The following TNRC18 variants were observed in gnomAD, a reference collection of about 807,000 sequenced individuals.
The protein encoded by TNRC18 is trinucleotide repeat-containing gene 18 protein.
Under a neutral mutation model 226.7 loss-of-function variants are expected in TNRC18, and 69 were observed. The ratio of observed to expected loss-of-function variants is 0.30; its 90% CI spans 0.25 to 0.37. The LOEUF is 0.37. Among genes scored for constraint, TNRC18 ranks in the 10% least tolerant of loss-of-function variants. The pLI, the probability that TNRC18 is intolerant of heterozygous loss-of-function variation, is 1.00. For synonymous variants in TNRC18, 2,449 were observed against 1,927.6 expected (o/e 1.27, Z -7.09); for missense variants, 4,754 against 4,256.6 (o/e 1.12, Z -3.25).
intron 8 of TNRC18, among the ~76,000 whole-genome samples, chr7:5,376,597 G>A (rs914760741): frequency 1.3e-5 from 2 of 152,146 alleles, no homozygotes; most frequent in African/African-American, 4.8e-5. Context: ...CAGGTAAGGG[G>A]AATCCCAGCC....
intron 19 of TNRC18, among the ~76,000 whole-genome samples, chr7:5,328,072 A>C (rs951791560): frequency 1.3e-5 from 2 of 151,734 alleles, no homozygotes; most frequent in African/African-American, 4.8e-5. Context: ...AAATACAAAA[A>C]TTAGGCGTGA....
At chr7:5,345,528 C>CCCCCCCCCCCCCCCCCCCCCCCCCCAA in intron 18 of TNRC18, 34 bp downstream of exon 18, 1 of 534,162 alleles carries the variant, frequency 1.9e-6, no homozygotes, top group Non-Finnish European at 2.7e-6. Flanking sequence ...CCCCTCCCAC[C>CCCCCCCCCCCCCCCCCCCCCCCCCCAA]CACCCCCACC....
intron 2 of TNRC18, among the ~76,000 whole-genome samples, chr7:5,417,476 AAAAC>A (rs1051592732): frequency 1.2e-4 from 19 of 152,198 alleles, no homozygotes; most frequent in East Asian, 3.8e-4. Context: ...TCTCAAAAAC[AAAAC>A]AAACAAACAA....
At chr7:5,399,692 C>A (rs531394536) in intron 2 of TNRC18, among the ~76,000 whole-genome samples, 2 of 151,552 alleles carry the variant, frequency 1.3e-5, no homozygotes, top group South Asian at 4.2e-4. Context: ...GGCAACAGTG[C>A]GACACTGTGT....
chr7:5,351,526 G>A (rs947677321), intron 17 of TNRC18, among the ~76,000 whole-genome samples: 1 of 152,114 alleles, frequency 6.6e-6, no homozygotes, highest in East Asian at 1.9e-4. Flanking sequence ...CAGGGAGGAG[G>A]GCAAGTGGAG....
intron 2 of TNRC18, among the ~76,000 whole-genome samples, chr7:5,410,924 G>A (rs1781799616): frequency 6.8e-6 from 1 of 147,860 alleles, no homozygotes; most frequent in Admixed American, 6.8e-5. Context: ...GAAAGGAGAA[G>A]GCTGGGCGTG....
At chr7:5,387,614 G>T in intron 5 of TNRC18, 58 bp downstream of exon 5, 4 of 1,590,676 alleles carry the variant, frequency 2.5e-6, no homozygotes, top group East Asian at 2.2e-5. Flanking sequence ...TGTAATGTAC[G>T]GGAAACGGCA....
chr7:5,325,053 C>T (rs1340172214), intron 20 of TNRC18, 43 bp downstream of exon 20: 6 of 1,545,696 alleles, frequency 3.9e-6, no homozygotes, highest in Non-Finnish European at 4.4e-6. Context: ...AGGAGCATGG[C>T]TGAGCCCCCC....
rs573708674 is a variant in TNRC18 at position 5,338,251 on chromosome 7, T to C, written c.5720-5202A>G. On this transcript the variant is annotated intron_variant, in intron 18 of 29. Coordinates refer to ENST00000430969, the MANE Select transcript of TNRC18 (RefSeq NM_001080495.3). ...AATGGAATTCTTAAACATATTCAAA[T>C]AAATTTGTTTAAAAGGCAAGGAGAA... Among the ~76,000 whole-genome samples the C allele has an allele frequency of 3.9e-5, 6 of 152,188 alleles. No homozygotes were observed. In the East Asian group the frequency reaches 9.6e-4, roughly 24 times the overall value.
At chr7:5,369,273 G>C (rs1282102284) in intron 11 of TNRC18, among the ~76,000 whole-genome samples, 2 of 152,074 alleles carry the variant, frequency 1.3e-5, no homozygotes, top group Admixed American at 1.3e-4. Context: ...ACTTGAACCC[G>C]GGAGGGCGGA....
At chr7:5,368,434 G>C (rs953668537) in intron 11 of TNRC18, among the ~76,000 whole-genome samples, 2 of 151,858 alleles carry the variant, frequency 1.3e-5, no homozygotes, top group African/African-American at 2.4e-5. Context: ...TGGCCAAGGC[G>C]GGTGGATCAC....
intron 11 of TNRC18, among the ~76,000 whole-genome samples, 197 bp downstream of exon 11, chr7:5,370,178 C>G (rs1028207323): frequency 1.3e-5 from 2 of 151,952 alleles, no homozygotes; most frequent in African/African-American, 4.8e-5. Context: ...AAAAAGTTAG[C>G]TGGGCATGGT....
Position 5,333,047 on chromosome 7 carries a change from T to C in TNRC18, c.5722A>G (p.Thr1908Ala). The C allele has an allele frequency of 1.3e-6, 2 of 1,572,788 alleles. No individual in the cohort carries two copies. Among genetic ancestry groups the C allele is most frequent in the South Asian group, 1.1e-5 (1 of 87,070 alleles). Reference sequence around the variant, plus strand: ...TCTGAGTCGGTGTACTCGAACTCTGTGCCTGAACGCGGGAGGAGGGCGTGC... The same window carrying C: ...TCTGAGTCGGTGTACTCGAACTCTGCGCCTGAACGCGGGAGGAGGGCGTGC... ...KKEERQSLLG[T>A]EFEYTDSESE... Residue 1908 changes from threonine (T) to alanine (A), a missense_variant and splice_region_variant, in exon 19 of 30, where the codon ACA becomes GCA. Coordinates refer to ENST00000430969, the MANE Select transcript of TNRC18 (RefSeq NM_001080495.3).
At chr7:5,417,055 T>C (rs561368543) in intron 2 of TNRC18, among the ~76,000 whole-genome samples, 91 of 149,048 alleles carry the variant, frequency 6.1e-4, no homozygotes, top group African/African-American at 2.2e-3. Context: ...CCCAGCACTT[T>C]GGGAGGCCAA....
intron 18 of TNRC18, among the ~76,000 whole-genome samples, chr7:5,340,612 G>A (rs925661137): frequency 6.6e-6 from 1 of 151,808 alleles, no homozygotes; most frequent in Admixed American, 6.6e-5. Context: ...GCGTAGTGGC[G>A]GGTGCCTGTA....
At chr7:5,393,351 C>T (rs1780434842) in intron 3 of TNRC18, among the ~76,000 whole-genome samples, 1 of 152,252 alleles carries the variant, frequency 6.6e-6, no homozygotes, top group African/African-American at 2.4e-5. Flanking sequence ...GAAGAGCAGA[C>T]TCGCTGACCT....
rs909556932 is a variant in TNRC18 at position 5,312,888 on chromosome 7, G to C, written c.8003C>G (p.Ser2668Cys). 1 of 1,518,442 alleles carries C rather than the reference G, an allele frequency of 6.6e-7. No individual in the cohort carries two copies. Among genetic ancestry groups the C allele is most frequent in the African/African-American group, 1.4e-5 (1 of 72,940 alleles). 94.1% of individuals were successfully genotyped at this position (1,518,442 alleles called of 1,614,324 possible). Residue 2668 changes from serine (S) to cysteine (C), a missense_variant, in exon 27 of 30, where the codon TCT (serine) becomes TGT (cysteine). Transcript: ENST00000430969. The surrounding 1 kb of genome is among the most constrained non-coding windows in gnomAD (Gnocchi z 6.3). ...GTCCTCGTCTGTGGTGGAGGAAGAA[G>C]AGGAGGAAGAGGAGGAGGAGGAGGA... ...SSSSSSSSSSSSSSTTDEDSS... is the reference protein window; with the variant it reads ...SSSSSSSSSSCSSSTTDEDSS...
Position 5,371,038 on chromosome 7 carries a change from C to T in TNRC18, c.3556G>A (p.Ala1186Thr). ...ESPLPLPAAEAMATPSPAGGC... is the reference protein window; with the variant it reads ...ESPLPLPAAETMATPSPAGGC... ...CCTGCAGGGCTGGGGGTAGCCATGG[C>T]TTCCGCGGCGGGCAGTGGCAGCGGC... is the stretch of plus-strand genomic sequence containing the variant. The change falls in exon 11 of 30, where the codon GCC (alanine) becomes ACC (threonine). Residue 1186 changes from alanine to threonine, a missense_variant. Ala to Thr is a moderately conservative substitution (Grantham distance 58). Transcript: ENST00000430969. The T allele has an allele frequency of 6.2e-7, 1 of 1,610,200 alleles. No individual in the cohort carries two copies. The highest frequency in any genetic ancestry group is 2.2e-5 in the East Asian group (1 of 44,878).
rs772774335 is a variant in TNRC18 at position 5,374,492 on chromosome 7, G to A, written c.2800-8C>T. The A allele has an allele frequency of 7.3e-5, 112 of 1,542,258 alleles. No homozygotes were observed. Among genetic ancestry groups the A allele is most frequent in the Non-Finnish European group, 9.0e-5 (103 of 1,143,704 alleles). On this transcript the variant is annotated splice_polypyrimidine_tract_variant and splice_region_variant and intron_variant, in intron 9 of 29. Transcript: ENST00000430969. ...CGCCTTCAACCGCTCCTGCTGGGAA[G>A]GGGCCGGCAGGCAGGGTCAGCACGG...
Sources: gnomAD v4.1 joint callset for allele counts (sites outside exome capture counted in the v4.1 genomes callset) on GRCh38, gnomAD v4.1.1 for gene constraint, Gnocchi (gnomAD v3.1) non-coding constraint, MANE v1.5 for transcripts, NCBI Gene and HGNC (gene_info 2026-07-23, HGNC 2026-07-21) for gene names.